Variants in HELB observed in about 807,000 individuals in gnomAD.
HELB encodes DNA helicase B.
A neutral mutation model predicts 101.7 loss-of-function variants in HELB; 96 were observed. That is an observed-to-expected ratio of 0.94 (90% CI 0.80 to 1.12). The LOEUF is 1.12. Among genes scored for constraint, HELB ranks in the 50% most tolerant of loss-of-function variants. HELB has a pLI of 0.00. For missense variants in HELB, 1,210 were observed against 1,291.9 expected, an observed-to-expected ratio of 0.94 and a Z score of 0.97; for synonymous variants, 437 against 459.7, an observed-to-expected ratio of 0.95 and a Z score of 0.63.
At chr12:66,313,852 T>A in intron 4 of HELB, 134 bp from the exon 5 acceptor site, 1 of 707,962 alleles carries the variant, frequency 1.4e-6, no homozygotes, top group South Asian at 1.6e-5. Context: ...TATTCAACCC[T>A]ATAACTTTTG....
chr12:66,309,577 T>A (rs573205346), intron 3 of HELB, 129 bp from the exon 4 acceptor site: 1 of 510,702 alleles, frequency 2.0e-6, no homozygotes. Context: ...AAATTAGTGA[T>A]GTTCTATGGT....
intron 9 of HELB, among the ~76,000 whole-genome samples, chr12:66,323,594 A>G (rs542379598): frequency 2.6e-5 from 4 of 152,236 alleles, no homozygotes; most frequent in Non-Finnish European, 4.4e-5. Context: ...AGAAATGTGT[A>G]TAAGTGCTGT....
At chr12:66,343,286 T>C (rs1436070810) in intron 13 of HELB, 1 of 152,250 alleles carries the variant, frequency 6.6e-6, no homozygotes, top group Non-Finnish European at 1.5e-5. Flanking sequence ...TCTTTCCATT[T>C]GCTTAGGAAA....
rs764975097 is a variant in HELB at position 66,306,475 on chromosome 12, G to A, written c.738G>A (p.Glu246=). The A allele has an allele frequency of 3.1e-6, 5 of 1,602,156 alleles. No homozygotes were observed. In the African/African-American group the frequency reaches 5.4e-5, roughly 17 times the overall value. ...GSKEMLKEIE[E]ILGTHPWKLG... is the part of the protein sequence containing the mutation. Reference sequence around the variant, plus strand: ...AAGAGATGTTGAAAGAGATAGAAGAGATTTTAGGTACACATCCGTGGAAAC... The same window carrying A: ...AAGAGATGTTGAAAGAGATAGAAGAAATTTTAGGTACACATCCGTGGAAAC... The change falls in exon 3 of 13, where the codon GAG becomes GAA. Residue 246 remains glutamate (E), a synonymous_variant. Transcript: ENST00000247815.
Position 66,310,325 on chromosome 12 carries a change from G to A in HELB, c.1397G>A (p.Cys466Tyr), listed in dbSNP as rs767428730. ...RDQVAALEMI[C>Y]SNPVTVISGK... ...CAGGTGGCTGCTTTGGAAATGATTT[G>A]CTCCAATCCTGTGACAGTCATAAGT... The change falls in exon 4 of 13, where the codon TGC becomes TAC. Residue 466 changes from cysteine to tyrosine, a missense_variant. By Grantham distance (194) the Cys-to-Tyr change is radical (BLOSUM62 -2). Transcript: ENST00000247815. 14 of 1,614,034 alleles carry A rather than the reference G, an allele frequency of 8.7e-6. No homozygotes were observed. The South Asian group carries it at 1.3e-4, about 15-fold the overall frequency.
At chr12:66,332,563 A>G (rs1480302488) in intron 12 of HELB, among the ~76,000 whole-genome samples, 1 of 152,160 alleles carries the variant, frequency 6.6e-6, no homozygotes, top group East Asian at 1.9e-4. Context: ...ACTTGCCACC[A>G]TCTTAGTTAT....
At chr12:66,341,762 A>G (rs938746372), downstream of HELB, 2 of 151,988 alleles carry the variant, frequency 1.3e-5, no homozygotes, top group African/African-American at 4.8e-5. Context: ...TGTTCTGGTG[A>G]TGGTGAGTTC....
intron 3 of HELB, among the ~76,000 whole-genome samples, chr12:66,308,567 A>G (rs1179653816): frequency 6.6e-6 from 1 of 152,168 alleles, no homozygotes; most frequent in Non-Finnish European, 1.5e-5. Context: ...TTGTCTTACA[A>G]TTCTGGAGGC....
At chr12:66,324,479 G>A in intron 10 of HELB, 1 of 307,232 alleles carries the variant, frequency 3.3e-6, no homozygotes. Context: ...ATTTTATGAA[G>A]AAACATTTTT....
At chr12:66,341,176 G>A (rs1282069661), downstream of HELB, 1 of 152,346 alleles carries the variant, frequency 6.6e-6, no homozygotes. Context: ...GAGCCTCTGG[G>A]AAGCAATTGG....
At chr12:66,320,336 C>A (rs1344753764) in intron 7 of HELB, among the ~76,000 whole-genome samples, 1 of 152,128 alleles carries the variant, frequency 6.6e-6, no homozygotes, top group Non-Finnish European at 1.5e-5. Flanking sequence ...ATCCTTTTAA[C>A]CTTATTATAT....
At chr12:66,313,204 A>G (rs1305996407) in intron 4 of HELB, among the ~76,000 whole-genome samples, 3 of 152,070 alleles carry the variant, frequency 2.0e-5, no homozygotes, top group South Asian at 4.1e-4. Context: ...TTTTAGTAGA[A>G]AAATTAGATG....
chr12:66,312,549 T>C (rs903601242), intron 4 of HELB, among the ~76,000 whole-genome samples: 5 of 152,234 alleles, frequency 3.3e-5, no homozygotes, highest in African/African-American at 9.6e-5. Flanking sequence ...TATGCCTTCA[T>C]GTCTGATTAA....
chr12:66,335,789 G>A (rs558874012), intron 12 of HELB, among the ~76,000 whole-genome samples: 1 of 152,286 alleles, frequency 6.6e-6, no homozygotes, highest in South Asian at 2.1e-4. Context: ...ATGACAACCA[G>A]AAGGAATGGG....
chr12:66,335,116 G>A (rs769221895), intron 12 of HELB, among the ~76,000 whole-genome samples: 79 of 152,168 alleles, frequency 5.2e-4, no homozygotes, highest in Non-Finnish European at 3.8e-4. Context: ...GAAATAAAGC[G>A]TTCTCTTGTG....
intron 2 of HELB, among the ~76,000 whole-genome samples, chr12:66,305,893 T>G (rs2053469639): frequency 1.3e-5 from 2 of 152,226 alleles, no homozygotes; most frequent in South Asian, 4.1e-4. Context: ...GATATTCATA[T>G]ATATGGAATA....
intron 4 of HELB, among the ~76,000 whole-genome samples, chr12:66,312,083 G>A (rs1292745247): frequency 1.3e-5 from 2 of 152,196 alleles, no homozygotes; most frequent in Non-Finnish European, 2.9e-5. Context: ...CAGTGAATTC[G>A]AGCTTTAAAG....
intron 10 of HELB, 100 bp from the exon 11 acceptor site, chr12:66,324,883 T>C (rs1400778946): frequency 1.4e-6 from 2 of 1,437,084 alleles, no homozygotes; most frequent in East Asian, 4.6e-5. Flanking sequence ...ATTGTAATTC[T>C]TATATTTTAT....
chr12:66,333,709 G>A (rs1412089814), intron 12 of HELB, among the ~76,000 whole-genome samples: 1 of 152,062 alleles, frequency 6.6e-6, no homozygotes, highest in Non-Finnish European at 1.5e-5. Context: ...ACAAAACAGA[G>A]GAAGGTTGGC....
Sources: allele counts gnomAD v4.1 joint callset (sites outside exome capture counted in the v4.1 genomes callset), GRCh38; gene constraint gnomAD v4.1.1; transcripts MANE v1.5; gene names NCBI Gene and HGNC (gene_info 2026-07-23, HGNC 2026-07-21).